The following DLG2 variants were observed in gnomAD, a reference collection of about 807,000 sequenced individuals.
DLG2 encodes discs large MAGUK scaffold protein 2.
A neutral mutation model predicts 132.5 loss-of-function variants in DLG2; 45 were observed. The ratio of observed to expected loss-of-function variants is 0.34; its 90% CI spans 0.27 to 0.44. The LOEUF is 0.44. Ranked by LOEUF, DLG2 falls within the 20% of genes least tolerant of loss-of-function variation. The pLI is 1.00. For synonymous variants in DLG2, 424 were observed against 419.6 expected, an observed-to-expected ratio of 1.01 and a Z score of -0.13; for missense variants, 1,045 against 1,196.9, an observed-to-expected ratio of 0.87 and a Z score of 1.87.
intron 18 of DLG2, among the ~76,000 whole-genome samples, chr11:83,771,043 G>A (rs146270349): frequency 1.1e-4 from 17 of 152,240 alleles, no homozygotes; most frequent in Non-Finnish European, 1.8e-4. Context: ...TTCTCAGCAC[G>A]TCCTTCTGTC....
At chr11:85,495,022 T>C (rs891514628) in intron 3 of DLG2, among the ~76,000 whole-genome samples, 3 of 152,036 alleles carry the variant, frequency 2.0e-5, no homozygotes, top group African/African-American at 7.2e-5. Context: ...CCTGTTACAA[T>C]AGTGGTCAAG....
chr11:84,824,703 G>C (rs542848342), intron 6 of DLG2, among the ~76,000 whole-genome samples: 3 of 151,908 alleles, frequency 2.0e-5, no homozygotes, highest in Non-Finnish European at 4.4e-5. Context: ...GCTCTTCAGA[G>C]TTGCTTGATG....
intron 15 of DLG2, 75 bp from the exon 16 acceptor site, chr11:83,874,563 T>C: frequency 8.3e-7 from 1 of 1,211,058 alleles, no homozygotes. Context: ...ATACTTTAAG[T>C]TTTAGGGTAC....
At chr11:85,141,394 G>A (rs1287982212) in intron 5 of DLG2, among the ~76,000 whole-genome samples, 3 of 151,632 alleles carry the variant, frequency 2.0e-5, no homozygotes. Context: ...CAGATCTTTT[G>A]TCCATTTTAA....
At chr11:84,477,016 T>C (rs1343074583) in intron 7 of DLG2, among the ~76,000 whole-genome samples, 1 of 152,144 alleles carries the variant, frequency 6.6e-6, no homozygotes, top group African/African-American at 2.4e-5. Context: ...CAGTAATCTT[T>C]AGACAGACCG....
At chr11:85,044,244 T>C (rs572713354) in intron 6 of DLG2, among the ~76,000 whole-genome samples, 1 of 152,040 alleles carries the variant, frequency 6.6e-6, no homozygotes, top group South Asian at 2.1e-4. Context: ...CCTGTGCTTA[T>C]TTCTTATCAT....
At chr11:83,771,857 AT>A (rs1271011836) in intron 18 of DLG2, among the ~76,000 whole-genome samples, 2 of 152,256 alleles carry the variant, frequency 1.3e-5, no homozygotes, top group Admixed American at 1.3e-4. Flanking sequence ...AAAACGGATT[AT>A]AAATATCTTT....
chr11:85,475,321 T>A (rs1021714961), intron 3 of DLG2, among the ~76,000 whole-genome samples: 7 of 151,930 alleles, frequency 4.6e-5, no homozygotes, highest in Non-Finnish European at 8.8e-5. Context: ...AATCTCTACC[T>A]TCTATAAACA....
At chr11:85,391,474 G>C (rs1238489654) in intron 3 of DLG2, among the ~76,000 whole-genome samples, 1 of 151,828 alleles carries the variant, frequency 6.6e-6, no homozygotes, top group African/African-American at 2.4e-5. Flanking sequence ...ACCAGGAAAG[G>C]ACATAACCAA....
chr11:83,486,599 A>G (rs1014873427), intron 21 of DLG2, among the ~76,000 whole-genome samples: 2 of 152,146 alleles, frequency 1.3e-5, no homozygotes, highest in Admixed American at 6.6e-5. Flanking sequence ...CAAGTATGAA[A>G]ATGTTGTGTA....
intron 6 of DLG2, among the ~76,000 whole-genome samples, chr11:85,098,984 T>A (rs958210677): frequency 6.6e-6 from 1 of 152,194 alleles, no homozygotes; most frequent in Admixed American, 6.5e-5. Context: ...GTCAGTACAT[T>A]AATCTAGGCT....
chr11:83,523,793 G>C (rs1296083520), intron 21 of DLG2, among the ~76,000 whole-genome samples: 2 of 152,192 alleles, frequency 1.3e-5, no homozygotes, highest in Non-Finnish European at 2.9e-5. Context: ...CAAGATAGCA[G>C]AGAACTCAGA....
At chr11:85,423,492 C>A (rs1290168136) in intron 3 of DLG2, among the ~76,000 whole-genome samples, 4 of 152,192 alleles carry the variant, frequency 2.6e-5, no homozygotes, top group African/African-American at 7.2e-5. Flanking sequence ...ATAGAACTCC[C>A]AGGAATATAT....
intron 6 of DLG2, among the ~76,000 whole-genome samples, chr11:84,979,444 TG>T (rs1198919620): frequency 2.0e-5 from 3 of 152,144 alleles, no homozygotes; most frequent in African/African-American, 7.2e-5. Context: ...TAAGAAAATG[TG>T]GCACATATAC....
intron 3 of DLG2, among the ~76,000 whole-genome samples, chr11:85,421,425 T>A (rs1397507654): frequency 6.6e-6 from 1 of 151,880 alleles, no homozygotes; most frequent in Non-Finnish European, 1.5e-5. Context: ...TCCCCCTTTT[T>A]TTTTTTTAAC....
intron 3 of DLG2, among the ~76,000 whole-genome samples, chr11:85,503,437 T>C (rs975283328): frequency 4.6e-5 from 7 of 152,174 alleles, no homozygotes; most frequent in African/African-American, 1.2e-4. Context: ...ATATAACCTA[T>C]TCACAAAGTA....
chr11:85,323,538 T>C (rs476745), intron 3 of DLG2, among the ~76,000 whole-genome samples: 124,974 of 152,202 alleles, frequency 0.82, 51,737 homozygotes, highest in Middle Eastern at 0.9. Context: ...TATTTTGAAA[T>C]ATACAATAAA....
In DLG2 at chr11:84,934,519, T is replaced by G. The variant is rs1440938567; in HGVS notation, c.357+177142A>C. ...GGTCCTGGGTGTTTTTTTTTTGTTT[T>G]GTTTTGTTTTTTTTTTTTTTTTTTT... is the stretch of plus-strand genomic sequence containing the variant. On this transcript the variant is annotated intron_variant, in intron 6 of 27. Transcript: ENST00000376104. Among the ~76,000 whole-genome samples the G allele has an allele frequency of 3.1e-3, 271 of 86,290 alleles. 14 individuals are homozygous for G. The highest frequency in any genetic ancestry group is 7.1e-3 in the East Asian group (15 of 2,106). The allele number at this position is 86,290 out of a possible 152,430, so 56.6% of individuals were successfully genotyped here.
intron 6 of DLG2, among the ~76,000 whole-genome samples, chr11:84,861,152 T>C (rs2083561028): frequency 6.6e-6 from 1 of 152,112 alleles, no homozygotes; most frequent in Non-Finnish European, 1.5e-5. Flanking sequence ...CTTCTGTTGC[T>C]TGAGGGTCAG....
Sources: allele counts gnomAD v4.1 joint callset (sites outside exome capture counted in the v4.1 genomes callset), GRCh38; gene constraint gnomAD v4.1.1; transcripts MANE v1.5; gene names NCBI Gene and HGNC (gene_info 2026-07-23, HGNC 2026-07-21).